MED14: variants seen among roughly 807,000 people sequenced by gnomAD.
MED14 encodes the protein mediator of RNA polymerase II transcription subunit 14.
Under a neutral mutation model 109.0 loss-of-function variants are expected in MED14, and 8 were observed. The ratio of observed to expected loss-of-function variants is 0.07; its 90% CI spans 0.04 to 0.13. The LOEUF (loss-of-function observed/expected upper bound fraction) is 0.13, where lower values mean the gene tolerates loss of function less well. Ranked by LOEUF, MED14 falls within the 10% of genes least tolerant of loss-of-function variation. MED14 has a pLI of 1.00. For synonymous variants in MED14, 399 were observed against 408.7 expected, an observed-to-expected ratio of 0.98 and a Z score of 0.29; for missense variants, 711 against 1,142.4, an observed-to-expected ratio of 0.62 and a Z score of 5.44.
rs1602502647 is a variant in MED14 at position 40,735,278 on chromosome X, A to G, written c.135T>C (p.Ala45=). ...AAVAAAAAAA[A]SPGYRLSTLI... is the part of the protein sequence containing the mutation. The stretch of plus-strand genomic sequence containing the variant: ...GGGTGCTCAGCCGGTAGCCCGGGCT[A>G]GCCGCAGCTGCAGCGGCCGCCGCCA... The change falls in exon 1 of 31, where the codon GCT becomes GCC. Residue 45 remains alanine (A), a synonymous_variant. Coordinates refer to ENST00000324817, the MANE Select transcript of MED14 (RefSeq NM_004229.4). 8.8e-7 allele frequency: 1 copy of G among 1,139,115 alleles called. No homozygotes were observed. Among genetic ancestry groups the G allele is most frequent in the African/African-American group, 1.9e-5 (1 of 53,263 alleles). 93.9% of individuals were successfully genotyped at this position (1,139,115 alleles called of 1,213,427 possible).
At chrX:40,673,714 T>C (rs1929809412) in intron 22 of MED14, among the ~76,000 whole-genome samples, 2 of 109,834 alleles carry the variant, frequency 1.8e-5, no homozygotes, top group Admixed American at 9.7e-5. Flanking sequence ...GGCATGGTGA[T>C]GCATGCCTGT....
intron 7 of MED14, among the ~76,000 whole-genome samples, chrX:40,711,610 C>CT (rs1257471572): frequency 1.4e-4 from 15 of 110,442 alleles, no homozygotes; most frequent in Non-Finnish European, 2.8e-4. Context: ...CCAAACAGTA[C>CT]TTTTTTATTA....
intron 12 of MED14, 123 bp from the exon 13 acceptor site, chrX:40,697,306 A>G: frequency 2.3e-6 from 1 of 438,110 alleles, no homozygotes. Flanking sequence ...CTGAACTAAT[A>G]AAAGGACACA....
intron 12 of MED14, among the ~76,000 whole-genome samples, chrX:40,699,468 C>T (rs1427632568): frequency 8.9e-6 from 1 of 111,982 alleles, no homozygotes; most frequent in East Asian, 2.8e-4. Flanking sequence ...ATAAACTGGT[C>T]ATTCACCACA....
At chrX:40,695,442 G>C (rs1022959071) in intron 13 of MED14, among the ~76,000 whole-genome samples, 21 of 112,181 alleles carry the variant, frequency 1.9e-4, no homozygotes, top group African/African-American at 6.5e-4. Context: ...TTACCCCTAA[G>C]TGATAAATCT....
At chrX:40,703,623 A>G (rs1931033611) in intron 10 of MED14, 54 bp from the exon 11 acceptor site, 2 of 966,810 alleles carry the variant, frequency 2.1e-6, no homozygotes, top group Admixed American at 3.5e-5. Flanking sequence ...TTCCAGAAAA[A>G]TTATTTCTCA....
rs1928779601 is a variant in MED14, at chrX:40,649,500, T to C, written c.*2306A>G. On this transcript the variant is annotated 3_prime_UTR_variant, in exon 31 of 31. Transcript: ENST00000324817. The stretch of plus-strand genomic sequence containing the variant: ...GTTAAATTAATACTAAACCAGACTA[T>C]TAATGAAAACATCTTCATCAAAATT... 2 of 562,805 alleles carry C rather than the reference T, an allele frequency of 3.6e-6. No individual in the cohort carries two copies. Among genetic ancestry groups the C allele is most frequent in the Non-Finnish European group, 4.7e-6 (2 of 423,282 alleles). The allele number at this position is 562,805 out of a possible 1,213,427, so 46.4% of individuals were successfully genotyped here.
At chrX:40,668,373 ACT>A (rs1317333935) in intron 23 of MED14, among the ~76,000 whole-genome samples, 4 of 72,873 alleles carry the variant, frequency 5.5e-5, no homozygotes, top group Admixed American at 2.0e-4. Context: ...ACAGAGCAAG[ACT>A]CTGTCTCCAA....
chrX:40,661,223 A>G (rs907541706), intron 26 of MED14, among the ~76,000 whole-genome samples: 2 of 112,746 alleles, frequency 1.8e-5, no homozygotes, highest in Non-Finnish European at 3.8e-5. Flanking sequence ...CTGGGATTAC[A>G]GGCGTGCACC....
At chrX:40,687,503 TAG>T (rs1296647080) in intron 16 of MED14, among the ~76,000 whole-genome samples, 5 of 111,859 alleles carry the variant, frequency 4.5e-5, no homozygotes, top group Non-Finnish European at 9.4e-5. Flanking sequence ...TTAGTGCCAT[TAG>T]GATAAAGCCT....
At chrX:40,709,481 A>C in intron 9 of MED14, 22 bp from the exon 10 acceptor site, 1 of 830,262 alleles carries the variant, frequency 1.2e-6, no homozygotes, top group Non-Finnish European at 1.7e-6. Context: ...AGAACAACAA[A>C]TTCAAATGTG....
intron 28 of MED14, 36 bp downstream of exon 28, chrX:40,659,191 C>T (rs1929177969): frequency 9.6e-7 from 1 of 1,042,988 alleles, no homozygotes. Flanking sequence ...CCTCCTCAAA[C>T]AAACCTTGCT....
intron 1 of MED14, chrX:40,729,621 C>A (rs999051091): frequency 6.5e-6 from 2 of 308,234 alleles, no homozygotes; most frequent in Non-Finnish European, 5.6e-6. Context: ...CCAAGTCCCA[C>A]ATTAGCACAC....
rs1013522072 is a variant in MED14 at position 40,696,189 on chromosome X, C to T, written c.1650+835G>A. 6.9e-4 allele frequency among the ~76,000 whole-genome samples: 71 copies of T among 103,379 alleles called. 1 individual carries two copies. The highest frequency in any genetic ancestry group is 2.4e-3 in the African/African-American group (66 of 27,869). The allele number at this position is 103,379 out of a possible 115,157, so 89.8% of individuals were successfully genotyped here. On this transcript the variant is annotated intron_variant, in intron 13 of 30. Transcript: ENST00000324817. ...TCACTCTGTCGCCCAAGCTGGAGTG[C>T]AGTGGCATGATCTCGGCTCACTGCA...
chrX:40,704,428 G>C, intron 10 of MED14, among the ~76,000 whole-genome samples: 1 of 111,143 alleles, frequency 9.0e-6, no homozygotes, highest in South Asian at 3.7e-4. Flanking sequence ...CGGAAGGAGA[G>C]GTAACGTGGC....
chrX:40,683,016 T>C lies in MED14; in HGVS notation c.2058-20A>G. The C allele has an allele frequency of 8.5e-7, 1 of 1,171,486 alleles. No homozygotes were observed. The highest frequency in any genetic ancestry group is 1.2e-6 in the Non-Finnish European group (1 of 866,213). The stretch of plus-strand genomic sequence containing the variant: ...GGAATTCTGGTGATAAAAGACAGCA[T>C]ATGAAGTATACTTTACACAGACAAA... On this transcript the variant is annotated intron_variant, in intron 16 of 30. Coordinates refer to ENST00000324817, the MANE Select transcript of MED14 (RefSeq NM_004229.4).
rs202064452 is a variant in MED14 at position 40,727,308 on chromosome X, CTG to C, written c.243-459_243-458del. 9.7e-3 allele frequency among the ~76,000 whole-genome samples: 1,081 copies of C among 111,524 alleles called. 10 individuals are homozygous for C. The highest frequency in any genetic ancestry group is 0.034 in the African/African-American group (1,041 of 30,661). On this transcript the variant is annotated intron_variant, in intron 2 of 30. Transcript: ENST00000324817. ...AACTGATCTTTACCAAAGCCTGAAA[CTG>C]TATTCATTCTACAAAAGGGCACCAG...
At chrX:40,716,830 A>T (rs1208653045) in intron 3 of MED14, among the ~76,000 whole-genome samples, 2 of 111,867 alleles carry the variant, frequency 1.8e-5, no homozygotes, top group Non-Finnish European at 3.8e-5. Flanking sequence ...ATTCAGCCAT[A>T]AAAAAGAATG....
chrX:40,686,567 G>A (rs1569287072), intron 16 of MED14, among the ~76,000 whole-genome samples: 2 of 111,374 alleles, frequency 1.8e-5, no homozygotes, highest in Admixed American at 9.6e-5. Flanking sequence ...CCAGGAAGAG[G>A]AACTATTCTA....
Sources: gnomAD v4.1 joint callset for allele counts (sites outside exome capture counted in the v4.1 genomes callset) on GRCh38, gnomAD v4.1.1 for gene constraint, MANE v1.5 for transcripts, NCBI Gene and HGNC (gene_info 2026-07-23, HGNC 2026-07-21) for gene names.